Variants in OTC observed in about 807,000 individuals in gnomAD.
OTC encodes the protein ornithine transcarbamylase, mitochondrial.
OTC carries 3 observed loss-of-function variants against 30.3 expected under a neutral mutation model. The ratio of observed to expected loss-of-function variants is 0.10; its 90% CI spans 0.05 to 0.26. The LOEUF is 0.26. OTC is among the 10% of genes least tolerant of loss of function. The pLI is 1.00. For missense variants in OTC, 194 were observed against 260.3 expected (o/e 0.75, Z 1.75); for synonymous variants, 111 against 99.7 (o/e 1.11, Z -0.67).
chrX:38,386,386 A>AAAAAAT (rs1555974126), intron 4 of OTC, among the ~76,000 whole-genome samples: 2 of 88,963 alleles, frequency 2.2e-5, no homozygotes, highest in Admixed American at 1.3e-4. Context: ...AAAAAAAAAA[A>AAAAAAT]ATATATATAT....
Position 38,413,149 on chromosome X carries a change from T to G in OTC, c.1005+1150T>G, listed in dbSNP as rs769361287. Among the ~76,000 whole-genome samples, 161 of 112,351 alleles carry G rather than the reference T, an allele frequency of 1.4e-3. 1 individual carries two copies. The highest frequency in any genetic ancestry group is 5.0e-3 in the African/African-American group (155 of 30,970). On this transcript the variant is annotated intron_variant, in intron 9 of 9. Coordinates refer to ENST00000039007, the MANE Select transcript of OTC (RefSeq NM_000531.6). ...GTTTGGGAAAGGCAGTTTTTAGCTT[T>G]CAGCCTCTGGAGTAGAGAAAAGCAA...
At chrX:38,329,448 G>A in the OTC span, among the ~76,000 whole-genome samples, 1 of 111,601 alleles carries the variant, frequency 9.0e-6, no homozygotes, top group East Asian at 2.8e-4. Flanking sequence ...AATTGAGGCA[G>A]TAGAATAGGG....
the OTC span, among the ~76,000 whole-genome samples, chrX:38,340,493 A>T: frequency 1.1e-5 from 1 of 92,563 alleles, no homozygotes; most frequent in Non-Finnish European, 2.2e-5. Context: ...TTTTTTGCAA[A>T]CAAGATCAAG....
intron 6 of OTC, among the ~76,000 whole-genome samples, chrX:38,406,345 T>C (rs1254385836): frequency 1.8e-5 from 2 of 112,381 alleles, no homozygotes; most frequent in Non-Finnish European, 3.8e-5. Flanking sequence ...TTGTCCATGA[T>C]TGTAAAATTG....
At chrX:38,351,770 CT>C (rs920293343), upstream of OTC, among the ~76,000 whole-genome samples, 1 of 110,442 alleles carries the variant, frequency 9.1e-6, no homozygotes, top group Non-Finnish European at 1.9e-5. Context: ...TTCTTTCTTT[CT>C]TTTTTTTGAG....
the OTC span, among the ~76,000 whole-genome samples, chrX:38,330,922 T>C: frequency 2.9e-4 from 32 of 112,067 alleles, no homozygotes; most frequent in South Asian, 3.0e-3. Flanking sequence ...ATTTCCTGCA[T>C]TGCAAGCACT....
intron 4 of OTC, among the ~76,000 whole-genome samples, chrX:38,386,459 T>G (rs915002226): frequency 3.7e-4 from 41 of 109,959 alleles, no homozygotes; most frequent in African/African-American, 1.3e-3. Context: ...CAATGCTCAT[T>G]GCCCCCCACC....
the OTC span, among the ~76,000 whole-genome samples, chrX:38,344,238 TATACAC>T: frequency 6.9e-5 from 3 of 43,291 alleles, no homozygotes; most frequent in African/African-American, 1.9e-4. Context: ...GATATATATA[TATACAC>T]ACACACACAC....
At chrX:38,355,937 A>G (rs1484285426) in intron 1 of OTC, among the ~76,000 whole-genome samples, 3 of 109,513 alleles carry the variant, frequency 2.7e-5, no homozygotes, top group Non-Finnish European at 5.7e-5. Flanking sequence ...AGTCCCAGCT[A>G]CTCAGGAGGC....
intron 8 of OTC, among the ~76,000 whole-genome samples, chrX:38,410,009 A>AT (rs1430054440): frequency 9.0e-6 from 1 of 110,699 alleles, no homozygotes; most frequent in Non-Finnish European, 1.9e-5. Flanking sequence ...ATAACTATTG[A>AT]TTTTTTTGTA....
intron 3 of OTC, among the ~76,000 whole-genome samples, chrX:38,377,838 C>T (rs2068356555): frequency 9.0e-6 from 1 of 111,288 alleles, no homozygotes; most frequent in Non-Finnish European, 1.9e-5. Context: ...TTGTCTCTCT[C>T]TCTCTCTTTC....
intron 1 of OTC, among the ~76,000 whole-genome samples, chrX:38,363,327 T>G (rs1392827683): frequency 8.9e-6 from 1 of 112,162 alleles, no homozygotes; most frequent in African/African-American, 3.2e-5. Context: ...CAATGTGTTA[T>G]TGTAAGACAT....
chrX:38,341,283 A>G, the OTC span, among the ~76,000 whole-genome samples: 2 of 111,985 alleles, frequency 1.8e-5, no homozygotes, highest in Admixed American at 1.9e-4. Context: ...ACCTCGTAGT[A>G]ATATAAACTA....
chrX:38,337,327 A>G, the OTC span, among the ~76,000 whole-genome samples: 1 of 112,472 alleles, frequency 8.9e-6, no homozygotes, highest in Non-Finnish European at 1.9e-5. Flanking sequence ...TAACAGAGTA[A>G]AAGATGAGAC....
At chrX:38,412,845 A>G (rs1170915518) in intron 9 of OTC, among the ~76,000 whole-genome samples, 1 of 112,165 alleles carries the variant, frequency 8.9e-6, no homozygotes, top group Non-Finnish European at 1.9e-5. Flanking sequence ...CTTGGACACC[A>G]TATAGCCAGG....
the OTC span, among the ~76,000 whole-genome samples, chrX:38,340,429 G>A: frequency 2.9e-3 from 294 of 101,403 alleles, 2 homozygotes; most frequent in Middle Eastern, 0.019. Flanking sequence ...AAAGAATACA[G>A]TCACAGTTTG....
chrX:38,367,887 T>G (rs1373266988), intron 2 of OTC, among the ~76,000 whole-genome samples: 3 of 110,271 alleles, frequency 2.7e-5, no homozygotes, highest in Non-Finnish European at 5.7e-5. Flanking sequence ...CTGGCTAATT[T>G]TTGTATTTTT....
chrX:38,421,955 A>G (rs1333052066), downstream of OTC, among the ~76,000 whole-genome samples: 1 of 112,159 alleles, frequency 8.9e-6, no homozygotes, highest in Non-Finnish European at 1.9e-5. Context: ...GGTAATAAAA[A>G]TTTACATTAT....
At chrX:38,421,752 T>A (rs2068596679), downstream of OTC, among the ~76,000 whole-genome samples, 1 of 112,251 alleles carries the variant, frequency 8.9e-6, no homozygotes, top group Non-Finnish European at 1.9e-5. Flanking sequence ...CATAAGAAGC[T>A]TTTGTTAGCA....
Sources: allele counts gnomAD v4.1 joint callset (sites outside exome capture counted in the v4.1 genomes callset), GRCh38; gene constraint gnomAD v4.1.1; transcripts MANE v1.5; gene names NCBI Gene and HGNC (gene_info 2026-07-23, HGNC 2026-07-21).